The following MAN1C1 variants were observed in gnomAD, a reference collection of about 807,000 sequenced individuals.
The protein encoded by MAN1C1 is mannosidase alpha class 1C member 1.
Under a neutral mutation model 71.5 loss-of-function variants are expected in MAN1C1, and 49 were observed. The ratio of observed to expected loss-of-function variants is 0.69; its 90% CI spans 0.54 to 0.87. The LOEUF (loss-of-function observed/expected upper bound fraction) is 0.87. Ranked by LOEUF, MAN1C1 falls within the 40% of genes least tolerant of loss-of-function variation. The pLI is 0.00. For synonymous variants in MAN1C1, 352 were observed against 343.7 expected (o/e 1.02, Z -0.27); for missense variants, 743 against 835.0 (o/e 0.89, Z 1.36).
At chr1:25,677,732 A>C (rs763407280) in intron 1 of MAN1C1, among the ~76,000 whole-genome samples, 1 of 149,372 alleles carries the variant, frequency 6.7e-6, no homozygotes, top group Non-Finnish European at 1.5e-5. Flanking sequence ...AGAATAGATG[A>C]TGTTTCTGGT....
At position 25,711,404 on chromosome 1, in the gene MAN1C1, A is replaced by C. The variant is rs1433684064; in HGVS notation, c.637+24868A>C. ...ACTCCTTCCCACTCAGACATCTCTA[A>C]AGTCAAATCGCTCATGGATGGGTCA... On this transcript the variant is annotated intron_variant, in intron 2 of 11. Coordinates refer to ENST00000374332, the MANE Select transcript of MAN1C1 (RefSeq NM_020379.4). This position sits in a 1 kb window ranked among gnomAD's most constrained non-coding sequence, Gnocchi z 4.3. Among the ~76,000 whole-genome samples the C allele has an allele frequency of 6.6e-6, 1 of 152,124 alleles. No individual in the cohort carries two copies. Among genetic ancestry groups the C allele is most frequent in the Non-Finnish European group, 1.5e-5 (1 of 68,010 alleles).
intron 1 of MAN1C1, among the ~76,000 whole-genome samples, chr1:25,675,134 T>C (rs2046046236): frequency 1.3e-5 from 2 of 152,160 alleles, no homozygotes; most frequent in African/African-American, 4.8e-5. Context: ...TTTGGTTACA[T>C]AGATAAGTTC....
At chr1:25,697,880 C>T (rs2046388374) in intron 2 of MAN1C1, among the ~76,000 whole-genome samples, 1 of 152,184 alleles carries the variant, frequency 6.6e-6, no homozygotes, top group Non-Finnish European at 1.5e-5. Context: ...ATTATCCTTG[C>T]CAGTGCTTGC....
intron 1 of MAN1C1, among the ~76,000 whole-genome samples, chr1:25,625,650 T>C (rs1334462988): frequency 6.6e-6 from 1 of 151,996 alleles, no homozygotes; most frequent in Non-Finnish European, 1.5e-5. Flanking sequence ...ACCCTGTCGC[T>C]CTCTCTTTCT....
intron 2 of MAN1C1, among the ~76,000 whole-genome samples, chr1:25,741,151 A>T (rs780475378): frequency 6.6e-6 from 1 of 151,730 alleles, no homozygotes; most frequent in South Asian, 2.1e-4. Context: ...AGAGTTGGAT[A>T]TGTGACTTTT....
chr1:25,742,969 G>T (rs929829472), intron 2 of MAN1C1, among the ~76,000 whole-genome samples: 1 of 152,134 alleles, frequency 6.6e-6, no homozygotes. Context: ...ATGAACAATC[G>T]GTTCAATGAA....
At chr1:25,679,886 T>C (rs2046122529) in intron 1 of MAN1C1, among the ~76,000 whole-genome samples, 1 of 141,080 alleles carries the variant, frequency 7.1e-6, no homozygotes, top group Non-Finnish European at 1.5e-5. Flanking sequence ...TTTTTTGAGA[T>C]AGAGCCTACC....
chr1:25,783,920 G>A lies in MAN1C1; in HGVS notation c.*131G>A. The stretch of plus-strand genomic sequence containing the variant: ...GACCCCCAGCAGATGTGTCGGACAA[G>A]CAACTTCTTTTCCTCTGTGAGGAGA... On this transcript the variant is annotated 3_prime_UTR_variant, in exon 12 of 12. Coordinates refer to ENST00000374332, the MANE Select transcript of MAN1C1 (RefSeq NM_020379.4). 2 of 1,240,908 alleles carry A rather than the reference G, an allele frequency of 1.6e-6. No individual in the cohort carries two copies. Among genetic ancestry groups the A allele is most frequent in the South Asian group, 1.5e-5 (1 of 66,330 alleles). The allele number at this position is 1,240,908 out of a possible 1,614,324, so 76.9% of individuals were successfully genotyped here. A position where few individuals can be genotyped will look rare whatever the true frequency, so the allele number is the denominator to read the frequency against.
chr1:25,630,264 A>G (rs1314416809), intron 1 of MAN1C1, among the ~76,000 whole-genome samples: 1 of 152,194 alleles, frequency 6.6e-6, no homozygotes, highest in African/African-American at 2.4e-5. Context: ...CTATGTGCCT[A>G]CTTTTATATC....
rs1417038582 is a variant in MAN1C1, at chr1:25,725,571, T to G, written c.638-21097T>G. On this transcript the variant is annotated intron_variant, in intron 2 of 11. Coordinates refer to ENST00000374332, the MANE Select transcript of MAN1C1 (RefSeq NM_020379.4). This position sits in a 1 kb window ranked among gnomAD's most constrained non-coding sequence, Gnocchi z 4.8. ...TGGTGGCGTGAGAGTACAGGAGTACTTGTTAGGGGTCCACTAGAGCAAGCC... is the reference window on the plus strand; with the variant it reads ...TGGTGGCGTGAGAGTACAGGAGTACGTGTTAGGGGTCCACTAGAGCAAGCC... 1.3e-4 allele frequency among the ~76,000 whole-genome samples: 20 copies of G among 152,186 alleles called. No individual in the cohort carries two copies. Among genetic ancestry groups the G allele is most frequent in the Admixed American group, 1.3e-3 (20 of 15,290 alleles).
intron 1 of MAN1C1, among the ~76,000 whole-genome samples, chr1:25,685,817 CTG>C (rs1440143065): frequency 6.6e-6 from 1 of 152,160 alleles, no homozygotes; most frequent in Non-Finnish European, 1.5e-5. Flanking sequence ...CAACAAGTAA[CTG>C]GGGTGAGCTG....
chr1:25,767,862 C>CA (rs1557800144), intron 7 of MAN1C1, among the ~76,000 whole-genome samples: 1 of 111,576 alleles, frequency 9.0e-6, no homozygotes, highest in African/African-American at 4.0e-5. Flanking sequence ...TACACTCCCC[C>CA]CACACACTCC....
Position 25,711,499 on chromosome 1 carries a change from A to G in MAN1C1, c.637+24963A>G, listed in dbSNP as rs556038721. On this transcript the variant is annotated intron_variant, in intron 2 of 11. Coordinates refer to ENST00000374332, the MANE Select transcript of MAN1C1 (RefSeq NM_020379.4). The surrounding 1 kb of genome is among the most constrained non-coding windows in gnomAD (Gnocchi z 4.3). ...TGGACATGCCTTTCCTGGGTTTGAGATAAATGGACCAGATACCTGGTCCCT... is the reference window on the plus strand; with the variant it reads ...TGGACATGCCTTTCCTGGGTTTGAGGTAAATGGACCAGATACCTGGTCCCT... 6.6e-6 allele frequency among the ~76,000 whole-genome samples: 1 copy of G among 152,350 alleles called. No homozygotes were observed. Among genetic ancestry groups the G allele is most frequent in the Non-Finnish European group, 1.5e-5 (1 of 68,030 alleles).
chr1:25,768,382 C>CAG (rs2047485843), intron 7 of MAN1C1, among the ~76,000 whole-genome samples: 1 of 139,558 alleles, frequency 7.2e-6, no homozygotes, highest in African/African-American at 2.7e-5. Flanking sequence ...CCCACACACA[C>CAG]TCCCCTCACA....
intron 2 of MAN1C1, among the ~76,000 whole-genome samples, chr1:25,696,692 A>G (rs1471067023): frequency 6.6e-6 from 1 of 151,898 alleles, no homozygotes; most frequent in Non-Finnish European, 1.5e-5. Flanking sequence ...TGTTGTCCAG[A>G]CTGGAGTGCA....
chr1:25,630,647 T>A (rs2045365437), intron 1 of MAN1C1, among the ~76,000 whole-genome samples: 1 of 152,214 alleles, frequency 6.6e-6, no homozygotes, highest in African/African-American at 2.4e-5. Flanking sequence ...CTAAGTTTTT[T>A]ATTTTATTTT....
chr1:25,779,226 A>G lies in MAN1C1; in HGVS notation c.1477+902A>G, dbSNP rs1230140856. Among the ~76,000 whole-genome samples, 1 of 152,170 alleles carries G rather than the reference A, an allele frequency of 6.6e-6. No homozygotes were observed. The highest frequency in any genetic ancestry group is 2.4e-5 in the African/African-American group (1 of 41,448). The stretch of plus-strand genomic sequence containing the variant: ...TGTTTTCTGATGGCCAGGAGCCGCT[A>G]CACCATTTGAAAAGATTAGAGAGGC... On this transcript the variant is annotated intron_variant, in intron 9 of 11. Coordinates refer to ENST00000374332, the MANE Select transcript of MAN1C1 (RefSeq NM_020379.4). The surrounding 1 kb of genome is among the most constrained non-coding windows in gnomAD (Gnocchi z 4.6).
At chr1:25,665,855 CT>C (rs757054975) in intron 1 of MAN1C1, among the ~76,000 whole-genome samples, 109 of 96,882 alleles carry the variant, frequency 1.1e-3, no homozygotes, top group South Asian at 7.9e-3. Context: ...TTGGCATTGG[CT>C]TTTTTTTTTT....
chr1:25,732,132 C>T (rs537870917), intron 2 of MAN1C1, among the ~76,000 whole-genome samples: 29 of 152,230 alleles, frequency 1.9e-4, no homozygotes, highest in Non-Finnish European at 8.8e-5. Context: ...GGTGCCCAGG[C>T]TCCTAGGGAG....
Sources: gnomAD v4.1 joint callset for allele counts (sites outside exome capture counted in the v4.1 genomes callset) on GRCh38, gnomAD v4.1.1 for gene constraint, Gnocchi (gnomAD v3.1) non-coding constraint, MANE v1.5 for transcripts, NCBI Gene and HGNC (gene_info 2026-07-23, HGNC 2026-07-21) for gene names.